Variants in CTNNA2 observed in about 807,000 individuals in gnomAD.
CTNNA2 encodes the protein catenin alpha-2.
Under a neutral mutation model 101.0 loss-of-function variants are expected in CTNNA2, and 42 were observed. That is an observed-to-expected ratio of 0.42 (90% CI 0.32 to 0.54). The LOEUF is 0.54. Ranked by LOEUF, CTNNA2 falls within the 20% of genes least tolerant of loss-of-function variation. The probability of loss-of-function intolerance (pLI) is 0.14; values close to 1 mark genes in which losing one functional copy is unlikely to be tolerated. For missense variants in CTNNA2, 871 were observed against 1,223.1 expected, an observed-to-expected ratio of 0.71 and a Z score of 4.29; for synonymous variants, 450 against 456.4, an observed-to-expected ratio of 0.99 and a Z score of 0.18.
chr2:80,011,926 C>T (rs1022714005), intron 7 of CTNNA2, among the ~76,000 whole-genome samples: 2 of 152,008 alleles, frequency 1.3e-5, no homozygotes, highest in Non-Finnish European at 2.9e-5. Flanking sequence ...TAAGATTAAC[C>T]ATGATGTTGG....
intron 9 of CTNNA2, among the ~76,000 whole-genome samples, chr2:80,504,880 C>A (rs1688147217): frequency 6.6e-6 from 1 of 152,160 alleles, no homozygotes; most frequent in Non-Finnish European, 1.5e-5. Flanking sequence ...TTAAGGGTTC[C>A]AGTCAGGAAA....
At chr2:80,593,495 A>G (rs1032114700) in intron 15 of CTNNA2, among the ~76,000 whole-genome samples, 6 of 152,106 alleles carry the variant, frequency 3.9e-5, no homozygotes, top group Non-Finnish European at 7.4e-5. Flanking sequence ...TTGTTTTTCT[A>G]TTATGGTATA....
chr2:79,428,442 T>A (rs891535667), intron 4 of CTNNA2, among the ~76,000 whole-genome samples: 1 of 152,052 alleles, frequency 6.6e-6, no homozygotes, highest in African/African-American at 2.4e-5. Flanking sequence ...CATCTAGTAG[T>A]CACTGGGAAC....
chr2:79,833,865 ATAT>A (rs1160414954), intron 3 of CTNNA2, among the ~76,000 whole-genome samples: 1 of 152,198 alleles, frequency 6.6e-6, no homozygotes, highest in Non-Finnish European at 1.5e-5. Context: ...TTCATTAGTA[ATAT>A]TATATTGAAT....
In CTNNA2 at chr2:79,874,481, A is replaced by G. The variant is rs1193239211; in HGVS notation, c.852+139A>G. On this transcript the variant is annotated intron_variant, in intron 6 of 18. Coordinates refer to ENST00000402739, the MANE Select transcript of CTNNA2 (RefSeq NM_001282597.3). ...AGGTTTTAATAGTAAGATAAACTAC[A>G]TAATGCATTTCTGTAATATATTGGC... 2.9e-6 allele frequency: 3 copies of G among 1,040,870 alleles called. No individual in the cohort carries two copies. The East Asian group carries it at 7.5e-5, about 26-fold the overall frequency. The allele number at this position is 1,040,870 out of a possible 1,614,324, so 64.5% of individuals were successfully genotyped here.
At chr2:79,286,329 A>G (rs558457581) in intron 2 of CTNNA2, among the ~76,000 whole-genome samples, 2 of 152,168 alleles carry the variant, frequency 1.3e-5, no homozygotes, top group African/African-American at 4.8e-5. Context: ...TCGTTAGTTC[A>G]TGCGGTTTCT....
chr2:79,605,798 G>T (rs751995662), intron 1 of CTNNA2, among the ~76,000 whole-genome samples: 8 of 152,066 alleles, frequency 5.3e-5, no homozygotes, highest in Non-Finnish European at 1.2e-4. Flanking sequence ...GTACATGCCT[G>T]TACTCTGAGC....
intron 6 of CTNNA2, among the ~76,000 whole-genome samples, chr2:79,900,555 C>T (rs1207474479): frequency 2.0e-5 from 3 of 152,164 alleles, no homozygotes; most frequent in Non-Finnish European, 1.5e-5. Context: ...TCATATTTCA[C>T]CTGACCTATG....
intron 4 of CTNNA2, among the ~76,000 whole-genome samples, chr2:79,396,692 A>G (rs1162770222): frequency 6.6e-6 from 1 of 152,170 alleles, no homozygotes; most frequent in African/African-American, 2.4e-5. Flanking sequence ...TCCTGATGCT[A>G]TGATTTCTAA....
At chr2:79,924,000 G>C (rs146068189) in intron 7 of CTNNA2, among the ~76,000 whole-genome samples, 1 of 152,062 alleles carries the variant, frequency 6.6e-6, no homozygotes, top group African/African-American at 2.4e-5. Flanking sequence ...TATGTTGAAG[G>C]CATCTCTGCA....
At chr2:79,199,830 T>C (rs1674009439) in intron 2 of CTNNA2, among the ~76,000 whole-genome samples, 1 of 152,120 alleles carries the variant, frequency 6.6e-6, no homozygotes, top group Non-Finnish European at 1.5e-5. Context: ...GCCTCCTGAG[T>C]AGCTGGGACT....
chr2:79,288,006 T>C (rs1342097412), intron 2 of CTNNA2, among the ~76,000 whole-genome samples: 1 of 152,186 alleles, frequency 6.6e-6, no homozygotes, highest in African/African-American at 2.4e-5. Flanking sequence ...AGTGACCCGA[T>C]TTTCCAGGTG....
intron 3 of CTNNA2, among the ~76,000 whole-genome samples, chr2:79,787,536 C>T (rs1445319954): frequency 6.6e-6 from 1 of 152,118 alleles, no homozygotes; most frequent in Non-Finnish European, 1.5e-5. Flanking sequence ...TTACTACCCG[C>T]TTATTGGCTT....
chr2:79,466,975 C>T (rs774573218), intron 4 of CTNNA2, among the ~76,000 whole-genome samples: 1 of 152,156 alleles, frequency 6.6e-6, no homozygotes, highest in African/African-American at 2.4e-5. Flanking sequence ...AGCGCCTCTC[C>T]CCCTCCAAAG....
At chr2:80,478,903 T>C (rs1007917329) in intron 9 of CTNNA2, among the ~76,000 whole-genome samples, 1 of 152,144 alleles carries the variant, frequency 6.6e-6, no homozygotes. Context: ...ATTTTTGTTC[T>C]AATTCTGTGA....
chr2:80,305,182 G>T (rs906202517), intron 7 of CTNNA2: 58 of 985,240 alleles, frequency 5.9e-5, no homozygotes, highest in South Asian at 4.2e-4. Flanking sequence ...GATTTTTGGG[G>T]TTTTTTCCCC....
intron 7 of CTNNA2, among the ~76,000 whole-genome samples, chr2:80,351,608 G>T (rs1294739198): frequency 6.6e-6 from 1 of 152,086 alleles, no homozygotes; most frequent in Non-Finnish European, 1.5e-5. Flanking sequence ...GGGTGATTTG[G>T]CATGAAATTT....
chr2:80,411,114 G>C (rs1185812010), intron 8 of CTNNA2, among the ~76,000 whole-genome samples: 1 of 152,106 alleles, frequency 6.6e-6, no homozygotes, highest in Non-Finnish European at 1.5e-5. Context: ...TTGGCCCTTG[G>C]CTTGAACCCA....
At chr2:79,239,894 G>T (rs1172419697) in intron 2 of CTNNA2, among the ~76,000 whole-genome samples, 1 of 151,848 alleles carries the variant, frequency 6.6e-6, no homozygotes, top group Non-Finnish European at 1.5e-5. Context: ...TTGTTAATTG[G>T]GGCAGTAGAG....
Sources: gnomAD v4.1 joint callset for allele counts (sites outside exome capture counted in the v4.1 genomes callset) on GRCh38, gnomAD v4.1.1 for gene constraint, MANE v1.5 for transcripts, NCBI Gene and HGNC (gene_info 2026-07-23, HGNC 2026-07-21) for gene names.